Variants in SMOC2 observed in about 807,000 individuals in gnomAD.
The protein encoded by SMOC2 is SPARC-related modular calcium-binding protein 2.
In SMOC2, 39 loss-of-function variants were observed where a neutral mutation model predicts 61.4. That is an observed-to-expected ratio of 0.64 (90% CI 0.49 to 0.83). The LOEUF (loss-of-function observed/expected upper bound fraction) is 0.83. SMOC2 is among the 40% of genes least tolerant of loss of function. SMOC2 has a pLI of 0.00. For missense variants in SMOC2, 556 were observed against 592.9 expected, an observed-to-expected ratio of 0.94 and a Z score of 0.65; for synonymous variants, 247 against 239.9, an observed-to-expected ratio of 1.03 and a Z score of -0.27.
chr6:168,634,207 C>T (rs942125610), intron 9 of SMOC2, among the ~76,000 whole-genome samples: 29 of 152,216 alleles, frequency 1.9e-4, no homozygotes, highest in African/African-American at 7.0e-4. Context: ...ATTTCTAGAG[C>T]CTGTAGTCTA....
intron 11 of SMOC2, among the ~76,000 whole-genome samples, chr6:168,662,139 A>G (rs1787524943): frequency 6.6e-6 from 1 of 152,244 alleles, no homozygotes; most frequent in South Asian, 2.1e-4. Context: ...TCCCTCATCT[A>G]TTGATTCATT....
At chr6:168,467,685 G>T (rs1358798267) in intron 1 of SMOC2, among the ~76,000 whole-genome samples, 1 of 152,144 alleles carries the variant, frequency 6.6e-6, no homozygotes. Context: ...AAACTCCTGG[G>T]CTCAGGCAAT....
chr6:168,650,056 A>G (rs982494313), intron 9 of SMOC2, among the ~76,000 whole-genome samples: 3 of 152,198 alleles, frequency 2.0e-5, no homozygotes, highest in African/African-American at 7.2e-5. Flanking sequence ...GTCACGCTGC[A>G]GAATGTTGGG....
At chr6:168,472,479 G>A (rs1425940459) in intron 1 of SMOC2, among the ~76,000 whole-genome samples, 1 of 151,782 alleles carries the variant, frequency 6.6e-6, no homozygotes, top group Non-Finnish European at 1.5e-5. Context: ...TTTTTAAATT[G>A]CTCCCTTAAC....
At chr6:168,512,951 A>G (rs1783043176) in intron 2 of SMOC2, among the ~76,000 whole-genome samples, 1 of 152,250 alleles carries the variant, frequency 6.6e-6, no homozygotes, top group Non-Finnish European at 1.5e-5. Context: ...ATCTATATAT[A>G]TACAAATTTC....
intron 7 of SMOC2, among the ~76,000 whole-genome samples, chr6:168,578,904 C>T (rs948230413): frequency 6.6e-6 from 1 of 152,208 alleles, no homozygotes; most frequent in Admixed American, 6.5e-5. Context: ...TGAAATGCAG[C>T]ATTCCTGCCT....
At chr6:168,625,084 G>T (rs916440834) in intron 9 of SMOC2, among the ~76,000 whole-genome samples, 9 of 152,166 alleles carry the variant, frequency 5.9e-5, no homozygotes, top group African/African-American at 1.9e-4. Context: ...ACTGTGAAGC[G>T]CCGCCCCCGC....
chr6:168,664,401 T>A, intron 12 of SMOC2: 2 of 250,548 alleles, frequency 8.0e-6, no homozygotes, highest in Non-Finnish European at 1.7e-5. Context: ...TTTTTTTTTT[T>A]TTTTTTTTTT....
chr6:168,659,026 TGTG>T (rs1166045909), intron 11 of SMOC2, among the ~76,000 whole-genome samples: 2 of 137,462 alleles, frequency 1.5e-5, no homozygotes, highest in African/African-American at 2.7e-5. Context: ...TGTGTGGGGG[TGTG>T]GTGTGTATGT....
intron 11 of SMOC2, among the ~76,000 whole-genome samples, chr6:168,660,307 G>A (rs985676822): frequency 2.0e-5 from 3 of 152,238 alleles, no homozygotes; most frequent in Non-Finnish European, 2.9e-5. Flanking sequence ...GTTGTGAGCC[G>A]CATATCCTGA....
intron 4 of SMOC2, among the ~76,000 whole-genome samples, chr6:168,541,817 T>A (rs1223804419): frequency 6.6e-6 from 1 of 152,198 alleles, no homozygotes; most frequent in Non-Finnish European, 1.5e-5. Flanking sequence ...AAACACTGAT[T>A]CAATGCAAGG....
intron 7 of SMOC2, among the ~76,000 whole-genome samples, chr6:168,566,445 A>G (rs1031525246): frequency 5.5e-5 from 8 of 145,982 alleles, no homozygotes; most frequent in Non-Finnish European, 1.2e-4. Flanking sequence ...CCTCAGACGA[A>G]TTTTCAGGCT....
chr6:168,655,322 A>C, intron 11 of SMOC2: 1 of 443,908 alleles, frequency 2.3e-6, no homozygotes, highest in South Asian at 1.6e-5. Context: ...CAGACCAGTT[A>C]TTCCAATGGT....
At chr6:168,568,210 C>G (rs566184571) in intron 7 of SMOC2, among the ~76,000 whole-genome samples, 1 of 150,326 alleles carries the variant, frequency 6.7e-6, no homozygotes, top group Non-Finnish European at 1.5e-5. Context: ...AGGCGAAGAC[C>G]GGATGGTGTG....
At chr6:168,451,032 C>T (rs149850791) in intron 1 of SMOC2, among the ~76,000 whole-genome samples, 3 of 152,262 alleles carry the variant, frequency 2.0e-5, no homozygotes, top group East Asian at 1.9e-4. Flanking sequence ...TGTTTCTTCC[C>T]GTGAATGGGT....
chr6:168,661,921 T>TA (rs1042403955), intron 11 of SMOC2, among the ~76,000 whole-genome samples: 2 of 152,186 alleles, frequency 1.3e-5, no homozygotes, highest in Non-Finnish European at 2.9e-5. Context: ...ACCAACTATT[T>TA]AAAAAAATCA....
chr6:168,617,807 AC>A, intron 9 of SMOC2, among the ~76,000 whole-genome samples: 1 of 152,068 alleles, frequency 6.6e-6, no homozygotes, highest in Non-Finnish European at 1.5e-5. Flanking sequence ...TCCTGGCCTT[AC>A]CCCAGTGCAT....
rs894750785 is a variant in SMOC2 at position 168,441,551 on chromosome 6, T to C, written c.84+97T>C. The C allele has an allele frequency of 1.4e-5, 19 of 1,350,352 alleles. No individual in the cohort carries two copies. The Admixed American group carries it at 3.1e-4, about 22-fold the overall frequency. The allele number at this position is 1,350,352 out of a possible 1,614,324, so 83.6% of individuals were successfully genotyped here. A position where few individuals can be genotyped will look rare whatever the true frequency, so the allele number is the denominator to read the frequency against. ...GCGCCCCGCTCCAGGCCCAGGCGCC[T>C]GGGCACGGGGAGCAGGTGGCCCCGG... On this transcript the variant is annotated intron_variant, in intron 1 of 12. Transcript: ENST00000356284.
chr6:168,573,494 C>T (rs1320045900), intron 7 of SMOC2, among the ~76,000 whole-genome samples: 2 of 152,150 alleles, frequency 1.3e-5, no homozygotes, highest in African/African-American at 2.4e-5. Flanking sequence ...GCTCGGGCTC[C>T]CAGGCGAGCC....
Sources: allele counts gnomAD v4.1 joint callset (sites outside exome capture counted in the v4.1 genomes callset), GRCh38; gene constraint gnomAD v4.1.1; transcripts MANE v1.5; gene names NCBI Gene and HGNC (gene_info 2026-07-23, HGNC 2026-07-21).